MTA3: variants seen among roughly 807,000 people sequenced by gnomAD.
MTA3 encodes metastasis associated 1 family member 3, also known as metastasis-associated protein MTA3.
A neutral mutation model predicts 83.5 loss-of-function variants in MTA3; 34 were observed. The ratio of observed to expected loss-of-function variants is 0.41; its 90% CI spans 0.31 to 0.54. MTA3 has a LOEUF of 0.54. MTA3 is among the 20% of genes least tolerant of loss of function. MTA3 has a pLI of 0.33. For synonymous variants in MTA3, 303 were observed against 252.7 expected (o/e 1.20, Z -1.89); for missense variants, 761 against 726.4 (o/e 1.05, Z -0.55).
At chr2:42,597,370 G>C (rs527931013) in intron 3 of MTA3, among the ~76,000 whole-genome samples, 5 of 130,250 alleles carry the variant, frequency 3.8e-5, no homozygotes, top group African/African-American at 1.5e-4. Context: ...TGGCCGACAA[G>C]TTATCTTTTT....
rs1224586194 is a variant in MTA3, at chr2:42,672,369, G to T, written c.703-10032G>T. On this transcript the variant is annotated intron_variant, in intron 8 of 16. Coordinates refer to ENST00000405094, the MANE Select transcript of MTA3 (RefSeq NM_001330442.2). ...AAAAAAAAAAAAAAATAGGCCAGGT[G>T]CAGTGGCTCACGCCTGTAATCCTAG... is the stretch of plus-strand genomic sequence containing the variant. 1.3e-5 allele frequency among the ~76,000 whole-genome samples: 2 copies of T among 151,072 alleles called. 1 individual carries two copies. Among genetic ancestry groups the T allele is most frequent in the Admixed American group, 1.3e-4 (2 of 15,160 alleles).
rs199605489 is a variant in MTA3 at position 42,570,461 on chromosome 2, C to A, written c.53C>A (p.Ser18Tyr). The change falls in exon 2 of 17, where the codon TCC (serine) becomes TAC (tyrosine). Residue 18 changes from serine (S) to tyrosine (Y), a missense_variant. Physicochemically the swap from Ser to Tyr is moderately radical, Grantham distance 144 (BLOSUM62 -2). Coordinates refer to ENST00000405094, the MANE Select transcript of MTA3 (RefSeq NM_001330442.2). ...VGDYVYFENS[S>Y]SNPYLIRRIE... ...GATTATGTCTACTTTGAGAATTCCT[C>A]CAGCAACCCATACCTAATAAGAAGG... 5 of 1,545,982 alleles carry A rather than the reference C, an allele frequency of 3.2e-6. No homozygotes were observed. The highest frequency in any genetic ancestry group is 3.5e-6 in the Non-Finnish European group (4 of 1,137,800).
intron 4 of MTA3, among the ~76,000 whole-genome samples, chr2:42,621,862 G>A (rs994663861): frequency 3.3e-5 from 5 of 150,188 alleles, no homozygotes; most frequent in African/African-American, 7.4e-5. Flanking sequence ...GACGATGGGC[G>A]GCCAGGCAGA....
At chr2:42,509,882 T>C (rs1674816683) in intron 2 of MTA3, among the ~76,000 whole-genome samples, 1 of 152,200 alleles carries the variant, frequency 6.6e-6, no homozygotes, top group Admixed American at 6.5e-5. Flanking sequence ...GTATACATTA[T>C]ATAGTGAGGC....
intron 2 of MTA3, among the ~76,000 whole-genome samples, chr2:42,561,677 C>T (rs1353533907): frequency 1.6e-5 from 2 of 121,704 alleles, no homozygotes; most frequent in Non-Finnish European, 3.3e-5. Context: ...GGAGGAGAGA[C>T]AAACCAAGGT....
At chr2:42,622,367 C>T (rs1347111203) in intron 4 of MTA3, among the ~76,000 whole-genome samples, 1 of 128,680 alleles carries the variant, frequency 7.8e-6, no homozygotes, top group Non-Finnish European at 1.6e-5. Context: ...TACCGTCCAG[C>T]TTCGGCTCGG....
At chr2:42,632,271 T>A (rs1238094891) in intron 4 of MTA3, among the ~76,000 whole-genome samples, 1 of 151,884 alleles carries the variant, frequency 6.6e-6, no homozygotes, top group African/African-American at 2.4e-5. Flanking sequence ...TTTGTATTTT[T>A]AGTAGAGACA....
chr2:42,697,812 A>G lies in MTA3; in HGVS notation c.1003A>G (p.Lys335Glu). 6.5e-7 allele frequency: 1 copy of G among 1,544,458 alleles called. No homozygotes were observed. The highest frequency in any genetic ancestry group is 2.1e-5 in the Admixed American group (1 of 48,140). The change falls in exon 11 of 17, where the codon AAA becomes GAA. Residue 335 changes from lysine (K) to glutamate (E), a missense_variant. By Grantham distance (56) the Lys-to-Glu change is moderately conservative (BLOSUM62 1). Coordinates refer to ENST00000405094, the MANE Select transcript of MTA3 (RefSeq NM_001330442.2). Reference sequence around the variant, plus strand: ...AGCAGCAGAAGCTGAGAGTAAACTGAAACAAGTATATATCCCAACCTAGTA... The same window carrying G: ...AGCAGCAGAAGCTGAGAGTAAACTGGAACAAGTATATATCCCAACCTAGTA... ...LKAAEAESKLKQVYIPTYSKP... is the reference protein window; with the variant it reads ...LKAAEAESKLEQVYIPTYSKP...
intron 2 of MTA3, among the ~76,000 whole-genome samples, chr2:42,520,930 G>A (rs180703531): frequency 3.3e-5 from 5 of 152,144 alleles, no homozygotes; most frequent in African/African-American, 9.6e-5. Flanking sequence ...TCAAGTTCTC[G>A]ACTTTGATAA....
chr2:42,678,552 C>G (rs989747622), intron 8 of MTA3, among the ~76,000 whole-genome samples: 1 of 152,120 alleles, frequency 6.6e-6, no homozygotes, highest in Non-Finnish European at 1.5e-5. Context: ...TGGTCTCAAA[C>G]TCCTGACCTC....
intron 8 of MTA3, among the ~76,000 whole-genome samples, chr2:42,668,714 T>TA (rs1690517609): frequency 6.6e-6 from 1 of 152,208 alleles, no homozygotes. Context: ...TTATCAAGTT[T>TA]AAATATGGTC....
intron 2 of MTA3, among the ~76,000 whole-genome samples, chr2:42,572,521 G>A (rs907352864): frequency 2.0e-5 from 3 of 151,964 alleles, no homozygotes; most frequent in South Asian, 2.1e-4. Flanking sequence ...GCTGCCGTGA[G>A]CTGTGATTGC....
At chr2:42,528,739 A>G (rs1156516220) in intron 2 of MTA3, among the ~76,000 whole-genome samples, 1 of 152,200 alleles carries the variant, frequency 6.6e-6, no homozygotes, top group Non-Finnish European at 1.5e-5. Context: ...TCATTTTGTT[A>G]AAAGAAAGAC....
At chr2:42,571,386 C>CAA (rs34003791) in intron 2 of MTA3, among the ~76,000 whole-genome samples, 60 of 63,686 alleles carry the variant, frequency 9.4e-4, no homozygotes, top group East Asian at 2.1e-3. Flanking sequence ...AACACTGTCT[C>CAA]AAAAAAAAAA....
intron 6 of MTA3, among the ~76,000 whole-genome samples, chr2:42,651,168 GATA>G (rs761345767): frequency 3.3e-5 from 5 of 152,182 alleles, no homozygotes; most frequent in Non-Finnish European, 7.4e-5. Context: ...ACAGTAAAAA[GATA>G]ATAAGTGGTG....
chr2:42,568,693 G>C lies in MTA3; in HGVS notation c.-53G>C, dbSNP rs1678080741. ...CGGTCGCGGCTGAGGCTGAGGAGGA[G>C]GCGGCGGCGGCGGGCGGGGCTCGGC... On this transcript the variant is annotated 5_prime_UTR_variant, in exon 1 of 17. Coordinates refer to ENST00000405094, the MANE Select transcript of MTA3 (RefSeq NM_001330442.2). 4 of 1,135,234 alleles carry C rather than the reference G, an allele frequency of 3.5e-6. No individual in the cohort carries two copies. The Admixed American group carries it at 1.8e-4, about 52-fold the overall frequency. The allele number at this position is 1,135,234 out of a possible 1,614,324, so 70.3% of individuals were successfully genotyped here.
At chr2:42,668,327 A>G (rs1390953513) in intron 8 of MTA3, among the ~76,000 whole-genome samples, 1 of 152,174 alleles carries the variant, frequency 6.6e-6, no homozygotes, top group Non-Finnish European at 1.5e-5. Context: ...ATTTTAGGTA[A>G]TGTTTGCAAA....
Position 42,615,412 on chromosome 2 carries a change from G to A in MTA3, c.317+5828G>A, listed in dbSNP as rs149649174. ...GTCACCTAGGCTGGATCTGGGCCTA[G>A]TGCTGCGATCTCGATTCACTGCAAC... On this transcript the variant is annotated intron_variant, in intron 4 of 16. Transcript: ENST00000405094. Among the ~76,000 whole-genome samples the A allele has an allele frequency of 1.0e-3, 156 of 151,930 alleles. 1 individual carries two copies. Among genetic ancestry groups the A allele is most frequent in the African/African-American group, 3.6e-3 (149 of 41,456 alleles).
chr2:42,755,846 G>A lies in MTA3; in HGVS notation c.*2447G>A. ...CCAGCAGACATGCCCCTGGGGTGAG[G>A]ACACAGGCTCTGCAGGCTATCTCCC... On this transcript the variant is annotated 3_prime_UTR_variant, in exon 17 of 17. Coordinates refer to ENST00000405094, the MANE Select transcript of MTA3 (RefSeq NM_001330442.2). 1 of 985,546 alleles carries A rather than the reference G, an allele frequency of 1.0e-6. No individual in the cohort carries two copies. The highest frequency in any genetic ancestry group is 1.2e-6 in the Non-Finnish European group (1 of 830,052). The allele number at this position is 985,546 out of a possible 1,614,324, so 61.1% of individuals were successfully genotyped here.
Sources: allele counts gnomAD v4.1 joint callset (sites outside exome capture counted in the v4.1 genomes callset), GRCh38; gene constraint gnomAD v4.1.1; transcripts MANE v1.5; gene names NCBI Gene and HGNC (gene_info 2026-07-23, HGNC 2026-07-21).